Variants in ARHGAP24 observed in about 807,000 individuals in gnomAD.
ARHGAP24 encodes Rho GTPase activating protein 24, also known as rho GTPase-activating protein 24.
ARHGAP24 carries 50 observed loss-of-function variants against 76.4 expected under a neutral mutation model. The ratio of observed to expected loss-of-function variants is 0.65; its 90% CI spans 0.52 to 0.83. ARHGAP24 has a LOEUF of 0.83. Ranked by LOEUF, ARHGAP24 falls within the 40% of genes least tolerant of loss-of-function variation. The pLI is 0.00. For missense variants in ARHGAP24, 930 were observed against 914.2 expected, an observed-to-expected ratio of 1.02 and a Z score of -0.22; for synonymous variants, 345 against 323.3, an observed-to-expected ratio of 1.07 and a Z score of -0.72.
intron 3 of ARHGAP24, among the ~76,000 whole-genome samples, chr4:85,800,589 A>G (rs894958228): frequency 3.1e-5 from 4 of 127,782 alleles, no homozygotes; most frequent in Non-Finnish European, 5.6e-5. Context: ...GAGGAAGAGA[A>G]AGAAGAAAAA....
intron 5 of ARHGAP24, among the ~76,000 whole-genome samples, chr4:85,945,752 T>C (rs1377606092): frequency 7.9e-6 from 1 of 127,150 alleles, no homozygotes; most frequent in Non-Finnish European, 1.6e-5. Flanking sequence ...AGGGCGAGAC[T>C]CAGCCTCAAA....
intron 2 of ARHGAP24, among the ~76,000 whole-genome samples, chr4:85,612,144 C>T (rs1179601861): frequency 6.6e-6 from 1 of 150,854 alleles, no homozygotes. Context: ...AGCTGCCGGG[C>T]GCGGTGGCTC....
intron 2 of ARHGAP24, among the ~76,000 whole-genome samples, chr4:85,695,196 T>C (rs1186287923): frequency 6.6e-6 from 1 of 152,198 alleles, no homozygotes; most frequent in Non-Finnish European, 1.5e-5. Context: ...CAAAATAATG[T>C]TTTGGTTCCT....
intron 3 of ARHGAP24, among the ~76,000 whole-genome samples, chr4:85,724,597 T>C (rs963650384): frequency 5.3e-5 from 8 of 151,064 alleles, no homozygotes; most frequent in African/African-American, 1.5e-4. Context: ...CCAAGGAAAA[T>C]CATATTAAAA....
At chr4:85,812,235 G>T (rs866958175) in intron 3 of ARHGAP24, among the ~76,000 whole-genome samples, 8 of 151,920 alleles carry the variant, frequency 5.3e-5, no homozygotes, top group Non-Finnish European at 1.2e-4. Flanking sequence ...GTATTGGAGC[G>T]CCAAGTAAGT....
At chr4:85,873,503 A>G (rs1732656987) in intron 3 of ARHGAP24, among the ~76,000 whole-genome samples, 1 of 152,188 alleles carries the variant, frequency 6.6e-6, no homozygotes, top group East Asian at 1.9e-4. Flanking sequence ...ACAAGGCTGA[A>G]TAAGACATGG....
chr4:85,579,030 C>T (rs957903148), intron 2 of ARHGAP24, among the ~76,000 whole-genome samples: 2 of 152,060 alleles, frequency 1.3e-5, no homozygotes, highest in African/African-American at 2.4e-5. Flanking sequence ...TGTCTTTTCT[C>T]TTTGTTTACA....
At position 85,755,626 on chromosome 4, in the gene ARHGAP24, G is replaced by GTTTTTTTTTTTTTTTTTTTTTT. The variant is rs111410344; in HGVS notation, c.268+33658_268+33659insTTTTTTTTTTTTTTTTTTTTTT. ...TTCTATGGGAAGCTTCTATTCTTTTGTTTTGTTTTGTTTTGTTTTGTTTTG... is the reference window on the plus strand; with the variant it reads ...TTCTATGGGAAGCTTCTATTCTTTTGTTTTTTTTTTTTTTTTTTTTTTTTTTGTTTTGTTTTGTTTTGTTTTG... On this transcript the variant is annotated intron_variant, in intron 3 of 9. Coordinates refer to ENST00000395184, the MANE Select transcript of ARHGAP24 (RefSeq NM_001025616.3). Among the ~76,000 whole-genome samples, 9 of 117,414 alleles carry GTTTTTTTTTTTTTTTTTTTTTT rather than the reference G, an allele frequency of 7.7e-5. 3 individuals carry two copies. The highest frequency in any genetic ancestry group is 1.1e-4 in the Non-Finnish European group (6 of 56,162). The allele number at this position is 117,414 out of a possible 152,430, so 77.0% of individuals were successfully genotyped here.
intron 1 of ARHGAP24, among the ~76,000 whole-genome samples, chr4:85,502,459 C>G (rs1723860825): frequency 6.6e-6 from 1 of 152,012 alleles, no homozygotes; most frequent in African/African-American, 2.4e-5. Flanking sequence ...AGTTGGATTC[C>G]TAGGTATTTT....
At chr4:85,876,077 C>G (rs538011191) in intron 3 of ARHGAP24, among the ~76,000 whole-genome samples, 1 of 152,012 alleles carries the variant, frequency 6.6e-6, no homozygotes, top group African/African-American at 2.4e-5. Context: ...CATTATTTTT[C>G]AAAATATTTT....
At chr4:85,653,377 C>T (rs889222911) in intron 2 of ARHGAP24, among the ~76,000 whole-genome samples, 3 of 152,100 alleles carry the variant, frequency 2.0e-5, no homozygotes, top group African/African-American at 4.8e-5. Flanking sequence ...AAAAAGCGAA[C>T]CATGATGAAA....
intron 4 of ARHGAP24, among the ~76,000 whole-genome samples, chr4:85,937,522 C>G (rs1376244445): frequency 6.6e-6 from 1 of 152,070 alleles, no homozygotes; most frequent in Non-Finnish European, 1.5e-5. Context: ...TAAGTGGAGT[C>G]TAGTAGAGTA....
At chr4:85,972,375 G>A (rs1739038912) in intron 6 of ARHGAP24, 1 of 629,848 alleles carries the variant, frequency 1.6e-6, no homozygotes, top group Non-Finnish European at 2.7e-6. Context: ...GAATATGGCT[G>A]AATAAATTAA....
intron 3 of ARHGAP24, among the ~76,000 whole-genome samples, chr4:85,838,033 A>G (rs1730383156): frequency 1.3e-5 from 2 of 152,160 alleles, no homozygotes; most frequent in Admixed American, 1.3e-4. Flanking sequence ...GGGTTCAAAT[A>G]ATGTCTGGAA....
At chr4:85,793,184 A>G (rs1370696232) in intron 3 of ARHGAP24, among the ~76,000 whole-genome samples, 1 of 152,140 alleles carries the variant, frequency 6.6e-6, no homozygotes, top group Non-Finnish European at 1.5e-5. Flanking sequence ...TATTGGCTTT[A>G]GGTTTGTCTA....
chr4:85,851,075 C>T (rs370744978), intron 3 of ARHGAP24, among the ~76,000 whole-genome samples: 4 of 152,034 alleles, frequency 2.6e-5, no homozygotes, highest in South Asian at 2.1e-4. Context: ...TATTATTGTG[C>T]GGGAGTCTAA....
chr4:85,994,843 G>A lies in ARHGAP24; in HGVS notation c.1189G>A (p.Gly397Ser). The A allele has an allele frequency of 6.2e-7, 1 of 1,614,146 alleles. No individual in the cohort carries two copies. Among genetic ancestry groups the A allele is most frequent in the Non-Finnish European group, 8.5e-7 (1 of 1,180,030 alleles). Residue 397 changes from glycine to serine, a missense_variant, in exon 9 of 10, where the codon GGC becomes AGC. By Grantham distance (56) the Gly-to-Ser change is moderately conservative (BLOSUM62 0). Coordinates refer to ENST00000395184, the MANE Select transcript of ARHGAP24 (RefSeq NM_001025616.3). ...CAATGGATCCCCCACAGCTCTATCA[G>A]GCAGCAAAACCAACAGCCCAAAGAA... is the stretch of plus-strand genomic sequence containing the variant. ...MNNGSPTALSGSKTNSPKNSV... is the reference protein window; with the variant it reads ...MNNGSPTALSSSKTNSPKNSV...
chr4:85,636,569 C>G (rs543081247), intron 2 of ARHGAP24, among the ~76,000 whole-genome samples: 1 of 151,928 alleles, frequency 6.6e-6, no homozygotes, highest in African/African-American at 2.4e-5. Context: ...CACACACACA[C>G]AGACACACAC....
At chr4:85,686,346 G>C (rs1723421549) in intron 2 of ARHGAP24, among the ~76,000 whole-genome samples, 1 of 152,158 alleles carries the variant, frequency 6.6e-6, no homozygotes, top group African/African-American at 2.4e-5. Context: ...CTAGAGTTTA[G>C]AATGTAAAAG....
Sources: allele counts gnomAD v4.1 joint callset (sites outside exome capture counted in the v4.1 genomes callset), GRCh38; gene constraint gnomAD v4.1.1; transcripts MANE v1.5; gene names NCBI Gene and HGNC (gene_info 2026-07-23, HGNC 2026-07-21).